The following EPG5 variants were observed in gnomAD, a reference collection of about 807,000 sequenced individuals.
The protein encoded by EPG5 is ectopic P granules protein 5 homolog.
Under a neutral mutation model 302.7 loss-of-function variants are expected in EPG5, and 159 were observed. The ratio of observed to expected loss-of-function variants is 0.53; its 90% confidence interval spans 0.46 to 0.60. EPG5 has a LOEUF of 0.60. EPG5 is among the 20% of genes least tolerant of loss of function. The pLI is 0.00. For synonymous variants in EPG5, 1,158 were observed against 1,136.8 expected, an observed-to-expected ratio of 1.02 and a Z score of -0.37; for missense variants, 2,896 against 3,092.4, an observed-to-expected ratio of 0.94 and a Z score of 1.51.
At chr18:45,809,298 A>C in the EPG5 span, among the ~76,000 whole-genome samples, 4 of 152,232 alleles carry the variant, frequency 2.6e-5, no homozygotes, top group African/African-American at 9.6e-5. Flanking sequence ...CTACACTAAC[A>C]GGATTAGAGA....
chr18:45,867,324 G>A (rs1285920976), intron 37 of EPG5, among the ~76,000 whole-genome samples: 1 of 152,188 alleles, frequency 6.6e-6, no homozygotes, highest in Non-Finnish European at 1.5e-5. Flanking sequence ...AGATATTAAT[G>A]AGATACAAAA....
chr18:45,937,539 T>C (rs1181397931), intron 10 of EPG5, among the ~76,000 whole-genome samples: 1 of 152,058 alleles, frequency 6.6e-6, no homozygotes, highest in East Asian at 1.9e-4. Flanking sequence ...CCCGAGTAGC[T>C]GGGATTACAG....
the EPG5 span, among the ~76,000 whole-genome samples, chr18:45,808,132 CA>C: frequency 6.6e-6 from 1 of 152,058 alleles, no homozygotes; most frequent in African/African-American, 2.4e-5. Flanking sequence ...GAAAGAAATT[CA>C]GAGCTTGAAG....
At chr18:45,817,721 G>C in the EPG5 span, among the ~76,000 whole-genome samples, 2 of 152,220 alleles carry the variant, frequency 1.3e-5, no homozygotes, top group Non-Finnish European at 2.9e-5. Flanking sequence ...CTCATGACAT[G>C]TCAGCTGGCT....
Position 45,849,891 on chromosome 18 carries a change from A to C in EPG5, c.*2576T>G, listed in dbSNP as rs916043646. 6.6e-6 allele frequency: 1 copy of C among 152,170 alleles called. No homozygotes were observed. Among genetic ancestry groups the C allele is most frequent in the Non-Finnish European group, 1.5e-5 (1 of 68,036 alleles). The allele number at this position is 152,170 out of a possible 1,614,324, so 9.4% of individuals were successfully genotyped here. On this transcript the variant is annotated 3_prime_UTR_variant, in exon 44 of 44. Transcript: ENST00000282041. ...TCATGCTATGTAGACAGTTGTGTAG[A>C]CACATCTGGCAGGACCTCCCTCCCT...
At chr18:45,904,368 T>C (rs1356697657) in intron 24 of EPG5, among the ~76,000 whole-genome samples, 1 of 152,186 alleles carries the variant, frequency 6.6e-6, no homozygotes, top group Non-Finnish European at 1.5e-5. Context: ...TTGTAAATTA[T>C]ATACATACAC....
Position 45,922,488 on chromosome 18 carries a change from A to G in EPG5, c.2951T>C (p.Ile984Thr). 6.2e-7 allele frequency: 1 copy of G among 1,614,238 alleles called. No individual in the cohort carries two copies. Among genetic ancestry groups the G allele is most frequent in the Non-Finnish European group, 8.5e-7 (1 of 1,180,044 alleles). ...RLKLHKNDYGIQPNCPAVPFS... is the reference protein window; with the variant it reads ...RLKLHKNDYGTQPNCPAVPFS... ...GGGAACAGCTGGACAATTCGGCTGT[A>G]TTCCATAATCGTTTTTGTGCAGTTT... Residue 984 changes from isoleucine (I) to threonine (T), a missense_variant, in exon 16 of 44, where the codon ATA (isoleucine) becomes ACA (threonine). Coordinates refer to ENST00000282041, the MANE Select transcript of EPG5 (RefSeq NM_020964.3).
chr18:45,887,854 C>T lies in EPG5; in HGVS notation c.5006G>A (p.Gly1669Asp). The change falls in exon 29 of 44, where the codon GGC becomes GAC. Residue 1669 changes from glycine to aspartate, a missense_variant. By Grantham distance (94) the Gly-to-Asp change is moderately conservative. Around this residue, in one of 5 missense-constraint regions of EPG5, gnomAD observed 790 missense variants for 798.0 expected, o/e 0.99. Coordinates refer to ENST00000282041, the MANE Select transcript of EPG5 (RefSeq NM_020964.3). Reference sequence around the variant, plus strand: ...CACAATAGTAAAGAAAAGGCTAATGCCAACTTTCTGAATCCCAGGTGTAGG... The same window carrying T: ...CACAATAGTAAAGAAAAGGCTAATGTCAACTTTCTGAATCCCAGGTGTAGG... ...LQPTPGIQKV[G>D]ISLFFTIVDY... is the part of the protein sequence containing the mutation. 6.3e-7 allele frequency: 1 copy of T among 1,599,602 alleles called. No homozygotes were observed. Among genetic ancestry groups the T allele is most frequent in the Non-Finnish European group, 8.6e-7 (1 of 1,169,292 alleles).
At chr18:45,897,513 C>A (rs192737910) in intron 27 of EPG5, among the ~76,000 whole-genome samples, 3 of 152,090 alleles carry the variant, frequency 2.0e-5, no homozygotes, top group African/African-American at 7.2e-5. Flanking sequence ...CTTCAGCAAG[C>A]GATCTTTTCT....
intron 39 of EPG5, among the ~76,000 whole-genome samples, chr18:45,863,810 T>G (rs572662585): frequency 6.6e-6 from 1 of 152,328 alleles, no homozygotes; most frequent in East Asian, 1.9e-4. Flanking sequence ...CCTTCCTGGA[T>G]GTAAAGGGTT....
At chr18:45,804,569 T>C in the EPG5 span, among the ~76,000 whole-genome samples, 9 of 152,234 alleles carry the variant, frequency 5.9e-5, no homozygotes, top group Admixed American at 5.9e-4. Context: ...TGACTGTTGA[T>C]TTCTTATATC....
At chr18:45,880,004 T>A in intron 32 of EPG5, 71 bp downstream of exon 32, 1 of 1,461,016 alleles carries the variant, frequency 6.8e-7, no homozygotes, top group Non-Finnish European at 9.2e-7. Flanking sequence ...GTTTTCCAAC[T>A]GCTTAAAAAA....
Position 45,870,750 on chromosome 18 carries a change from G to A in EPG5, c.6050-8C>T. The A allele has an allele frequency of 1.3e-6, 2 of 1,520,808 alleles. No homozygotes were observed. The highest frequency in any genetic ancestry group is 2.3e-5 in the East Asian group (1 of 43,080). The allele number at this position is 1,520,808 out of a possible 1,614,324, so 94.2% of individuals were successfully genotyped here. A position where few individuals can be genotyped will look rare whatever the true frequency, so the allele number is the denominator to read the frequency against. On this transcript the variant is annotated splice_polypyrimidine_tract_variant and splice_region_variant and intron_variant, in intron 35 of 43. Coordinates refer to ENST00000282041, the MANE Select transcript of EPG5 (RefSeq NM_020964.3). The stretch of plus-strand genomic sequence containing the variant: ...CACCTGGCAACAGCTTATCTAGAAT[G>A]TGAAAAGAAAATAGAGCTGAAGACC...
chr18:45,931,965 A>G (rs2050405650), intron 11 of EPG5, among the ~76,000 whole-genome samples: 1 of 151,974 alleles, frequency 6.6e-6, no homozygotes, highest in Non-Finnish European at 1.5e-5. Flanking sequence ...AAACCAAGGT[A>G]GATAGCTCAC....
intron 6 of EPG5, among the ~76,000 whole-genome samples, 171 bp from the exon 7 acceptor site, chr18:45,946,939 TG>T (rs2050795543): frequency 6.6e-6 from 1 of 152,240 alleles, no homozygotes; most frequent in Non-Finnish European, 1.5e-5. Flanking sequence ...GCACTAATTT[TG>T]GTGGAGAATG....
chr18:45,889,855 G>C lies in EPG5; in HGVS notation c.4895C>G (p.Ala1632Gly). 1.2e-6 allele frequency: 2 copies of C among 1,612,450 alleles called. No individual in the cohort carries two copies. The highest frequency in any genetic ancestry group is 1.1e-5 in the South Asian group (1 of 90,904). Residue 1632 changes from alanine (A) to glycine (G), a missense_variant, in exon 28 of 44, where the codon GCT (alanine) becomes GGT (glycine). Transcript: ENST00000282041. ...KEVKQLQAEA[A>G]KPPSLNIVEA... is the part of the protein sequence containing the mutation. ...CACAATATTAAGTGATGGTGGTTTA[G>C]CAGCTTCTGCTTGCAACTGCTTCAC...
the EPG5 span, among the ~76,000 whole-genome samples, chr18:45,818,258 T>A: frequency 2.1e-5 from 1 of 47,984 alleles, no homozygotes; most frequent in African/African-American, 7.5e-5. Flanking sequence ...AAGATTTTAT[T>A]TTTTTTTTTT....
intron 43 of EPG5, among the ~76,000 whole-genome samples, chr18:45,854,486 C>T (rs1196026688): frequency 2.6e-5 from 4 of 152,218 alleles, no homozygotes; most frequent in African/African-American, 2.4e-5. Context: ...AGCCCCAACA[C>T]TTACTAGGTG....
intron 31 of EPG5, among the ~76,000 whole-genome samples, chr18:45,880,962 G>A (rs570949827): frequency 3.9e-5 from 6 of 152,100 alleles, no homozygotes; most frequent in South Asian, 4.1e-4. Context: ...TTAGGACAGC[G>A]CCCCAAAATT....
Sources: allele counts gnomAD v4.1 joint callset (sites outside exome capture counted in the v4.1 genomes callset), GRCh38; gene constraint gnomAD v4.1.1; regional missense constraint gnomAD v4.1.1; transcripts MANE v1.5; gene names NCBI Gene and HGNC (gene_info 2026-07-23, HGNC 2026-07-21).